ANO6: variants seen among roughly 807,000 people sequenced by gnomAD.
ANO6 encodes the protein anoctamin-6.
A neutral mutation model predicts 117.5 loss-of-function variants in ANO6; 106 were observed. The ratio of observed to expected loss-of-function variants is 0.90; its 90% CI spans 0.77 to 1.06. ANO6 has a LOEUF of 1.06. Ranked by LOEUF, ANO6 falls within the 50% of genes least tolerant of loss-of-function variation. The pLI is 0.00. For missense variants in ANO6, 955 were observed against 1,121.1 expected (o/e 0.85, Z 2.12); for synonymous variants, 367 against 385.1 (o/e 0.95, Z 0.55).
chr12:45,295,674 C>T (rs1452690774), intron 1 of ANO6, among the ~76,000 whole-genome samples: 1 of 152,032 alleles, frequency 6.6e-6, no homozygotes, highest in Admixed American at 6.6e-5. Flanking sequence ...AATTCTCCTG[C>T]CTCAGCCTCC....
At chr12:45,347,396 A>G (rs1565708240) in intron 4 of ANO6, 4 of 359,774 alleles carry the variant, frequency 1.1e-5, no homozygotes, top group Non-Finnish European at 1.0e-5. Context: ...AAAAAATTAG[A>G]AAACATAAGA....
intron 2 of ANO6, among the ~76,000 whole-genome samples, chr12:45,304,469 G>A (rs143311214): frequency 0.015 from 2,274 of 152,202 alleles, 218 homozygotes; most frequent in Admixed American, 0.14. Flanking sequence ...CTGAAAAGAG[G>A]AATAAAAGGA....
At chr12:45,349,459 G>T (rs1245331931) in intron 6 of ANO6, among the ~76,000 whole-genome samples, 1 of 152,122 alleles carries the variant, frequency 6.6e-6, no homozygotes, top group Non-Finnish European at 1.5e-5. Context: ...CACTGTAAAT[G>T]CAGGGACATT....
At chr12:45,417,227 G>T (rs1565766801) in intron 17 of ANO6, among the ~76,000 whole-genome samples, 1 of 151,836 alleles carries the variant, frequency 6.6e-6, no homozygotes, top group Non-Finnish European at 1.5e-5. Flanking sequence ...ATCAGAAAAT[G>T]TTTTTTTTAT....
chr12:45,264,027 C>G (rs924311095), intron 1 of ANO6, among the ~76,000 whole-genome samples: 1 of 152,158 alleles, frequency 6.6e-6, no homozygotes, highest in East Asian at 1.9e-4. Context: ...CAAACTAAAC[C>G]TAAAGATTCT....
chr12:45,230,304 A>G (rs1947555537), intron 1 of ANO6, among the ~76,000 whole-genome samples: 1 of 152,004 alleles, frequency 6.6e-6, no homozygotes, highest in African/African-American at 2.4e-5. Flanking sequence ...ATATGACTGA[A>G]AAGGACCTGG....
intron 1 of ANO6, among the ~76,000 whole-genome samples, chr12:45,274,264 C>T (rs914762114): frequency 1.3e-5 from 2 of 152,176 alleles, no homozygotes; most frequent in Non-Finnish European, 1.5e-5. Flanking sequence ...CCTTGCTTTA[C>T]AGCTGTCGGC....
At chr12:45,350,860 T>G (rs931392244) in intron 7 of ANO6, 86 bp downstream of exon 7, 12 of 1,168,800 alleles carry the variant, frequency 1.0e-5, no homozygotes, top group Non-Finnish European at 1.4e-5. Flanking sequence ...TCATCAAGAC[T>G]CTTGCCAGTG....
chr12:45,403,331 A>AGATTTATTTTTT, intron 14 of ANO6, 90 bp downstream of exon 14: 1 of 1,545,556 alleles, frequency 6.5e-7, no homozygotes, highest in Non-Finnish European at 8.9e-7. Flanking sequence ...TAAATTCCTT[A>AGATTTATTTTTT]GATTTATTTT....
chr12:45,254,159 C>G (rs538556263), intron 1 of ANO6, among the ~76,000 whole-genome samples: 1 of 152,068 alleles, frequency 6.6e-6, no homozygotes, highest in South Asian at 2.1e-4. Flanking sequence ...GAGCAAGACT[C>G]CGTCTCAAAA....
chr12:45,230,272 A>G (rs1404879060), intron 1 of ANO6, among the ~76,000 whole-genome samples: 1 of 152,124 alleles, frequency 6.6e-6, no homozygotes, highest in Non-Finnish European at 1.5e-5. Context: ...ATAAAAGATA[A>G]TGATTATTGA....
intron 1 of ANO6, among the ~76,000 whole-genome samples, chr12:45,216,992 G>C (rs1184047929): frequency 6.6e-6 from 1 of 152,232 alleles, no homozygotes; most frequent in African/African-American, 2.4e-5. Flanking sequence ...CCCCAGGCAG[G>C]GAGGACCGCA....
At position 45,331,372 on chromosome 12, in the gene ANO6, G is replaced by A. The variant is rs145969134; in HGVS notation, c.228G>A (p.Glu76=). ...GAATTGACTTTGTTCTAGTATATGA[G>A]GATGAAAGCAGAAAAGAGACCAATA... is the stretch of plus-strand genomic sequence containing the variant. The part of the protein sequence containing the change: ...QRRIDFVLVY[E]DESRKETNKK... The change falls in exon 3 of 20, where the codon GAG becomes GAA. Residue 76 remains glutamate, a synonymous_variant. Transcript: ENST00000320560. 1,147 of 1,608,814 alleles carry A rather than the reference G, an allele frequency of 7.1e-4. 3 individuals are homozygous for A. The highest frequency in any genetic ancestry group is 5.2e-4 in the Non-Finnish European group (611 of 1,177,474).
intron 1 of ANO6, among the ~76,000 whole-genome samples, chr12:45,278,247 G>A (rs571881940): frequency 4.6e-5 from 7 of 152,192 alleles, no homozygotes; most frequent in Admixed American, 1.3e-4. Flanking sequence ...GTGAGCCACC[G>A]TGCCCAACCC....
intron 1 of ANO6, among the ~76,000 whole-genome samples, chr12:45,276,990 T>C (rs1447864665): frequency 1.3e-5 from 2 of 152,230 alleles, no homozygotes; most frequent in East Asian, 3.8e-4. Flanking sequence ...CCAGGATTTT[T>C]AACTGTAGCT....
Position 45,299,872 on chromosome 12 carries a change from GA to G in ANO6, c.71-2134del, listed in dbSNP as rs1416348321. Among the ~76,000 whole-genome samples the G allele has an allele frequency of 5.3e-5, 8 of 151,668 alleles. 1 individual carries two copies. In the South Asian group the frequency reaches 1.5e-3, roughly 28 times the overall value. On this transcript the variant is annotated intron_variant, in intron 1 of 19. Coordinates refer to ENST00000320560, the MANE Select transcript of ANO6 (RefSeq NM_001025356.3). ...ATCTCAAAAAAAAGAAAAAGAAAAA[GA>G]AAAAAAATTGAATCCAAATATTAGG...
chr12:45,401,987 T>C lies in ANO6; in HGVS notation c.1579T>C (p.Tyr527His). ...FIIIMILNTIYEKVAIMITNF... is the reference protein window; with the variant it reads ...FIIIMILNTIHEKVAIMITNF... ...AATTATCATGATTCTGAACACCATA[T>C]ATGAAAAAGTGGCAATTATGATTAC... is the stretch of plus-strand genomic sequence containing the variant. The change falls in exon 13 of 20, where the codon TAT becomes CAT. Residue 527 changes from tyrosine (Y) to histidine (H), a missense_variant. Coordinates refer to ENST00000320560, the MANE Select transcript of ANO6 (RefSeq NM_001025356.3). 1 of 1,614,000 alleles carries C rather than the reference T, an allele frequency of 6.2e-7. No homozygotes were observed. The highest frequency in any genetic ancestry group is 2.2e-5 in the East Asian group (1 of 44,888).
At chr12:45,314,467 TTATA>T (rs1184316830) in intron 2 of ANO6, among the ~76,000 whole-genome samples, 1 of 37,886 alleles carries the variant, frequency 2.6e-5, no homozygotes, top group East Asian at 2.2e-3. Context: ...TATATATATA[TTATA>T]TATACACACA....
chr12:45,343,449 T>A (rs544236901), intron 3 of ANO6, among the ~76,000 whole-genome samples: 19 of 152,278 alleles, frequency 1.2e-4, no homozygotes, highest in African/African-American at 4.3e-4. Flanking sequence ...GGTTGCCCTT[T>A]GTACAGCCTC....
Sources: gnomAD v4.1 joint callset for allele counts (sites outside exome capture counted in the v4.1 genomes callset) on GRCh38, gnomAD v4.1.1 for gene constraint, MANE v1.5 for transcripts, NCBI Gene and HGNC (gene_info 2026-07-23, HGNC 2026-07-21) for gene names.